Variants in CD99L2 observed in about 807,000 individuals in gnomAD.
CD99L2 encodes the protein CD99 molecule like 2.
Under a neutral mutation model 27.3 loss-of-function variants are expected in CD99L2, and 24 were observed. The observed-to-expected ratio is 0.88, with a 90% confidence interval of 0.64 to 1.24. CD99L2 has a LOEUF of 1.24. CD99L2 is among the 50% of genes most tolerant of loss of function. The probability of loss-of-function intolerance (pLI) is 0.00; values close to 1 mark genes in which losing one functional copy is unlikely to be tolerated. For synonymous variants in CD99L2, 97 were observed against 87.9 expected, an observed-to-expected ratio of 1.10 and a Z score of -0.58; for missense variants, 255 against 221.6, an observed-to-expected ratio of 1.15 and a Z score of -0.96.
chrX:150,787,923 TATAA>T (rs1213898768), intron 7 of CD99L2, among the ~76,000 whole-genome samples: 6 of 80,127 alleles, frequency 7.5e-5, no homozygotes, highest in African/African-American at 9.6e-5. Context: ...TATATATATA[TATAA>T]AAGGAGTCCT....
chrX:150,868,151 G>A (rs2047100834), intron 1 of CD99L2, among the ~76,000 whole-genome samples: 1 of 109,602 alleles, frequency 9.1e-6, no homozygotes, highest in African/African-American at 3.3e-5. Flanking sequence ...CCACATTAGT[G>A]TAATTAGCGT....
intron 4 of CD99L2, among the ~76,000 whole-genome samples, chrX:150,814,180 A>C (rs1412598096): frequency 8.9e-6 from 1 of 112,464 alleles, no homozygotes; most frequent in Non-Finnish European, 1.9e-5. Context: ...GATCCATTGA[A>C]AGGACAAGAC....
intron 1 of CD99L2, among the ~76,000 whole-genome samples, chrX:150,894,927 T>A (rs1199409466): frequency 3.6e-5 from 4 of 111,592 alleles, no homozygotes; most frequent in Non-Finnish European, 7.5e-5. Context: ...CTCACATTCC[T>A]ATTACCTGCA....
chrX:150,850,344 C>T (rs1479246387), intron 1 of CD99L2, among the ~76,000 whole-genome samples: 3 of 111,611 alleles, frequency 2.7e-5, no homozygotes, highest in Non-Finnish European at 3.8e-5. Context: ...AAGGCCAGCT[C>T]AGCAGTGGCC....
intron 2 of CD99L2, among the ~76,000 whole-genome samples, chrX:150,830,244 C>T (rs182998700): frequency 9.5e-4 from 105 of 110,131 alleles, no homozygotes; most frequent in African/African-American, 3.4e-3. Flanking sequence ...AGAAACTACA[C>T]AGACTCCATT....
At chrX:150,831,352 A>G in intron 1 of CD99L2, 59 bp from the exon 2 acceptor site, 7 of 945,955 alleles carry the variant, frequency 7.4e-6, no homozygotes, top group Non-Finnish European at 1.0e-5. Context: ...ATAATGAAAT[A>G]TCCTCTAGAA....
chrX:150,841,066 T>C (rs1471202992), intron 1 of CD99L2, among the ~76,000 whole-genome samples: 1 of 111,997 alleles, frequency 8.9e-6, no homozygotes. Context: ...TACAGACAAA[T>C]ACTAGAAACA....
rs147625874 is a variant in CD99L2 at position 150,873,448 on chromosome X, G to T, written c.67+25074C>A. On this transcript the variant is annotated intron_variant, in intron 1 of 10. Coordinates refer to ENST00000370377, the MANE Select transcript of CD99L2 (RefSeq NM_031462.4). ...GGAGTGACTGCTTAATAGATACAGGGTCTCTTTTTGCAGTGATGAAAGTGT... is the reference window on the plus strand; with the variant it reads ...GGAGTGACTGCTTAATAGATACAGGTTCTCTTTTTGCAGTGATGAAAGTGT... Among the ~76,000 whole-genome samples the T allele has an allele frequency of 5.1e-3, 570 of 112,086 alleles. 7 individuals are homozygous for T. Among genetic ancestry groups the T allele is most frequent in the Middle Eastern group, 0.014 (3 of 215 alleles).
intron 4 of CD99L2, among the ~76,000 whole-genome samples, chrX:150,805,618 T>C (rs145352682): frequency 0.011 from 1,193 of 111,420 alleles, 18 homozygotes; most frequent in African/African-American, 0.036. Flanking sequence ...GTGCTTATAA[T>C]AGTCAAAAAC....
intron 1 of CD99L2, among the ~76,000 whole-genome samples, chrX:150,891,749 G>A (rs868958512): frequency 2.9e-4 from 32 of 111,527 alleles, no homozygotes; most frequent in Non-Finnish European, 9.4e-5. Context: ...TTTCCAGCCC[G>A]TTCTTGATAG....
At chrX:150,771,909 G>T in intron 9 of CD99L2, 1 of 1,030,557 alleles carries the variant, frequency 9.7e-7, no homozygotes, top group Non-Finnish European at 1.3e-6. Context: ...GAGGGCAAAG[G>T]CAAGGGAAGC....
At chrX:150,821,522 C>T (rs1206406126) in intron 2 of CD99L2, among the ~76,000 whole-genome samples, 2 of 112,060 alleles carry the variant, frequency 1.8e-5, no homozygotes, top group Non-Finnish European at 3.8e-5. Context: ...ATGGACCAAA[C>T]ATCTAAATAT....
At chrX:150,769,480 T>C (rs1350558631) in intron 10 of CD99L2, among the ~76,000 whole-genome samples, 4 of 112,756 alleles carry the variant, frequency 3.5e-5, no homozygotes, top group Admixed American at 1.9e-4. Flanking sequence ...AATCCATTTT[T>C]CCACATCTGA....
At position 150,776,316 on chromosome X, in the gene CD99L2, T is replaced by G. The variant is rs879956568; in HGVS notation, c.536-23A>C. On this transcript the variant is annotated intron_variant, in intron 8 of 10. Transcript: ENST00000370377. ...TGCCTGCGTGAAGAAGGGGGAGAAA[T>G]GAGGACAGGTGAGGTCAGAGACAAA... is the stretch of plus-strand genomic sequence containing the variant. 4 of 1,177,108 alleles carry G rather than the reference T, an allele frequency of 3.4e-6. No individual in the cohort carries two copies. The South Asian group carries it at 7.6e-5, about 22-fold the overall frequency.
At chrX:150,852,807 GA>G (rs1226051440) in intron 1 of CD99L2, among the ~76,000 whole-genome samples, 2 of 111,498 alleles carry the variant, frequency 1.8e-5, no homozygotes, top group Admixed American at 1.9e-4. Flanking sequence ...TCTTATGGCT[GA>G]AAAAAGTCCA....
At chrX:150,825,943 A>G (rs1557420914) in intron 2 of CD99L2, among the ~76,000 whole-genome samples, 3 of 111,778 alleles carry the variant, frequency 2.7e-5, no homozygotes, top group African/African-American at 9.7e-5. Flanking sequence ...GTCTGAATGT[A>G]TATGTCCCCC....
At chrX:150,771,782 T>G in intron 9 of CD99L2, 2 of 1,153,834 alleles carry the variant, frequency 1.7e-6, no homozygotes, top group Non-Finnish European at 2.3e-6. Flanking sequence ...AAAAGGAAAG[T>G]GAGGAAGGCA....
At chrX:150,855,306 A>G (rs1460251147) in intron 1 of CD99L2, among the ~76,000 whole-genome samples, 1 of 111,874 alleles carries the variant, frequency 8.9e-6, no homozygotes, top group Non-Finnish European at 1.9e-5. Context: ...TTGCCTTGCT[A>G]TAAAGAACTA....
chrX:150,777,875 C>G (rs1478428892), intron 7 of CD99L2, among the ~76,000 whole-genome samples: 8 of 112,276 alleles, frequency 7.1e-5, no homozygotes, highest in African/African-American at 1.9e-4. Context: ...AGTGCCACCA[C>G]CACGGGTCTC....
Sources: allele counts gnomAD v4.1 joint callset (sites outside exome capture counted in the v4.1 genomes callset), GRCh38; gene constraint gnomAD v4.1.1; transcripts MANE v1.5; gene names NCBI Gene and HGNC (gene_info 2026-07-23, HGNC 2026-07-21).